The following SHPRH variants were observed in gnomAD, a reference collection of about 807,000 sequenced individuals.
The protein encoded by SHPRH is E3 ubiquitin-protein ligase SHPRH.
Under a neutral mutation model 202.5 loss-of-function variants are expected in SHPRH, and 106 were observed. The observed-to-expected ratio is 0.52, with a 90% CI of 0.45 to 0.62. SHPRH has a LOEUF of 0.62. SHPRH is among the 20% of genes least tolerant of loss of function. The pLI, the probability that SHPRH is intolerant of heterozygous loss-of-function variation, is 0.00. For synonymous variants in SHPRH, 729 were observed against 686.0 expected, an observed-to-expected ratio of 1.06 and a Z score of -0.98; for missense variants, 1,710 against 2,020.0, an observed-to-expected ratio of 0.85 and a Z score of 2.94.
chr6:145,869,627 G>C (rs76889517), intron 2 of SHPRH, among the ~76,000 whole-genome samples: 4,705 of 152,146 alleles, frequency 0.031, 108 homozygotes, highest in Middle Eastern at 0.048. Flanking sequence ...TCAAAGATTA[G>C]TTGGCTATAT....
intron 25 of SHPRH, among the ~76,000 whole-genome samples, chr6:145,900,945 T>C (rs931775208): frequency 1.3e-5 from 2 of 152,138 alleles, no homozygotes; most frequent in African/African-American, 2.4e-5. Flanking sequence ...CCAACTATAC[T>C]TGAAAACTGC....
intron 3 of SHPRH, among the ~76,000 whole-genome samples, chr6:145,950,849 AAGCTGACACGT>A (rs1376836360): frequency 3.1e-5 from 1 of 31,836 alleles, no homozygotes; most frequent in African/African-American, 8.1e-5. Flanking sequence ...CCCCTCAGAG[AAGCTGACACGT>A]AGCTGACACG....
At chr6:145,928,708 C>A (rs922695079) in intron 14 of SHPRH, among the ~76,000 whole-genome samples, 1 of 151,840 alleles carries the variant, frequency 6.6e-6, no homozygotes, top group Admixed American at 6.6e-5. Context: ...GTGCAAAACA[C>A]CTAATTTAAA....
intron 2 of SHPRH, among the ~76,000 whole-genome samples, chr6:145,873,518 G>A (rs1780150155): frequency 6.6e-6 from 1 of 152,046 alleles, no homozygotes; most frequent in South Asian, 2.1e-4. Flanking sequence ...ACCTTATACT[G>A]CTTTAATGGT....
At chr6:145,869,336 A>G (rs907644142) in intron 2 of SHPRH, among the ~76,000 whole-genome samples, 2 of 152,240 alleles carry the variant, frequency 1.3e-5, no homozygotes, top group Non-Finnish European at 2.9e-5. Context: ...CAGAGCAGAA[A>G]TTAGTTTGAA....
chr6:145,859,072 A>G, the SHPRH span, among the ~76,000 whole-genome samples: 1 of 152,102 alleles, frequency 6.6e-6, no homozygotes, highest in African/African-American at 2.4e-5. Context: ...TCTAGATAGT[A>G]TAAAAAATAC....
rs9497429 is a variant in SHPRH, at chr6:145,926,356, C to T, written c.3202-60G>A. 1.1e-3 allele frequency: 1,498 copies of T among 1,376,990 alleles called. 12 individuals are homozygous for T. In the African/African-American group the frequency reaches 0.019, roughly 17 times the overall value. The allele number at this position is 1,376,990 out of a possible 1,614,324, so 85.3% of individuals were successfully genotyped here. Reference sequence around the variant, plus strand: ...CAATGCAGAAGACTCTGAAGAGAACCTAATATTAATATGGCACACAGAACA... The same window carrying T: ...CAATGCAGAAGACTCTGAAGAGAACTTAATATTAATATGGCACACAGAACA... On this transcript the variant is annotated intron_variant, in intron 15 of 29. Transcript: ENST00000275233.
downstream of SHPRH, among the ~76,000 whole-genome samples, chr6:145,882,535 A>G (rs950210790): frequency 6.6e-6 from 1 of 152,200 alleles, no homozygotes; most frequent in African/African-American, 2.4e-5. Flanking sequence ...ACTAAAATGC[A>G]TTCCTGTTTA....
intron 10 of SHPRH, 115 bp from the exon 11 acceptor site, chr6:145,940,916 GTACCTACT>G: frequency 1.1e-6 from 1 of 923,408 alleles, no homozygotes; most frequent in Non-Finnish European, 1.7e-6. Context: ...CTGGTGAGAT[GTACCTACT>G]TTTATTTAAC....
At position 145,935,053 on chromosome 6, in the gene SHPRH, T is replaced by C. The variant is rs374443389; in HGVS notation, c.2844A>G (p.Lys948=). The C allele has an allele frequency of 5.8e-5, 93 of 1,613,816 alleles. No individual in the cohort carries two copies. In the Middle Eastern group the frequency reaches 6.6e-4, roughly 11 times the overall value. ...GAGCCCAGTCAGAAATCTTCCTGAG[T>C]TTTACCACCACATCCTGGCAGCACA... ...HEVCCQDVVV[K]LRKISDWALK... The change falls in exon 13 of 30, where the codon AAA becomes AAG. Residue 948 remains lysine, a synonymous_variant. Transcript: ENST00000275233.
intron 25 of SHPRH, among the ~76,000 whole-genome samples, chr6:145,896,975 GCAC>G (rs1330804196): frequency 6.6e-6 from 1 of 151,756 alleles, no homozygotes; most frequent in African/African-American, 2.4e-5. Context: ...AACTAATGTT[GCAC>G]CACAAGGAAC....
chr6:145,954,987 C>G lies in SHPRH; in HGVS notation c.336G>C (p.Trp112Cys), dbSNP rs1003566354. 9 of 1,613,594 alleles carry G rather than the reference C, an allele frequency of 5.6e-6. No individual in the cohort carries two copies. In the Admixed American group the frequency reaches 1.2e-4, roughly 21 times the overall value. ...VISPYHFDNS[W>C]KAFLGELTLQ... Reference sequence around the variant, plus strand: ...GAGTTAATTCTCCTAGAAATGCTTTCCAGGAATTATCAAAATGATAGGGAG... The same window carrying G: ...GAGTTAATTCTCCTAGAAATGCTTTGCAGGAATTATCAAAATGATAGGGAG... Residue 112 changes from tryptophan (W) to cysteine (C), a missense_variant, in exon 2 of 30, where the codon TGG becomes TGC. Coordinates refer to ENST00000275233, the MANE Select transcript of SHPRH (RefSeq NM_001042683.3).
At chr6:145,934,858 G>A (rs1785899165) in intron 13 of SHPRH, 49 bp downstream of exon 13, 4 of 1,526,592 alleles carry the variant, frequency 2.6e-6, no homozygotes, top group Middle Eastern at 1.8e-4. Flanking sequence ...CTGAAATATT[G>A]TCTATTATGA....
At chr6:145,929,910 A>G (rs1428428456) in intron 14 of SHPRH, among the ~76,000 whole-genome samples, 2 of 152,110 alleles carry the variant, frequency 1.3e-5, no homozygotes, top group African/African-American at 4.8e-5. Context: ...ATCATTCTTC[A>G]TCTCTGTTTT....
downstream of SHPRH, among the ~76,000 whole-genome samples, chr6:145,860,952 G>A (rs1354982634): frequency 6.6e-6 from 1 of 151,940 alleles, no homozygotes; most frequent in Non-Finnish European, 1.5e-5. Context: ...CACATGTAAA[G>A]CATGAAAGTG....
chr6:145,961,768 A>G (rs1389564482), intron 1 of SHPRH, among the ~76,000 whole-genome samples: 1 of 152,232 alleles, frequency 6.6e-6, no homozygotes, highest in Non-Finnish European at 1.5e-5. Flanking sequence ...CCCTTTGTCC[A>G]GTTCTTAACT....
In SHPRH at chr6:145,873,709, A is replaced by AGGG. The variant is rs1780162953; in HGVS notation, c.222-9219_222-9218insCCC. 1.6e-5 allele frequency among the ~76,000 whole-genome samples: 2 copies of AGGG among 125,860 alleles called. 1 individual carries two copies. The highest frequency in any genetic ancestry group is 6.4e-5 in the African/African-American group (2 of 31,228). 82.6% of individuals were successfully genotyped at this position (125,860 alleles called of 152,430 possible). Reference sequence around the variant, plus strand: ...CAGTTGCTAGAGGAAGGAAGGAAGGAAGGAAGGGAGGGAGGGAGGGAGGGA... The same window carrying AGGG: ...CAGTTGCTAGAGGAAGGAAGGAAGGAGGGAGGAAGGGAGGGAGGGAGGGAGGGA... On this transcript the variant is annotated intron_variant, in intron 2 of 2. Transcript: ENST00000417762.
chr6:145,916,182 T>C (rs993488373), intron 23 of SHPRH, among the ~76,000 whole-genome samples: 11 of 152,144 alleles, frequency 7.2e-5, no homozygotes, highest in African/African-American at 2.4e-4. Context: ...GTTCATTTAA[T>C]CCTACTGTAT....
At chr6:145,869,988 C>T (rs553327868) in intron 2 of SHPRH, among the ~76,000 whole-genome samples, 1 of 151,852 alleles carries the variant, frequency 6.6e-6, no homozygotes, top group South Asian at 2.1e-4. Flanking sequence ...TGGACTATCT[C>T]TTCATTTATT....
Sources: allele counts gnomAD v4.1 joint callset (sites outside exome capture counted in the v4.1 genomes callset), GRCh38; gene constraint gnomAD v4.1.1; transcripts MANE v1.5; gene names NCBI Gene and HGNC (gene_info 2026-07-23, HGNC 2026-07-21).